Variants in YBX1 observed in about 807,000 individuals in gnomAD.
The protein encoded by YBX1 is Y-box binding protein 1.
YBX1 carries 3 observed loss-of-function variants against 41.4 expected under a neutral mutation model. The ratio of observed to expected loss-of-function variants is 0.07; its 90% CI spans 0.03 to 0.19. YBX1 has a LOEUF of 0.19. YBX1 is among the 10% of genes least tolerant of loss of function. The pLI is 1.00. For synonymous variants in YBX1, 133 were observed against 165.8 expected, an observed-to-expected ratio of 0.80 and a Z score of 1.52; for missense variants, 274 against 462.8, an observed-to-expected ratio of 0.59 and a Z score of 3.74.
In YBX1 at chr1:42,703,444, CTT is replaced by C. The variant is rs1650658315; in HGVS notation, c.*1497_*1498del. 1.3e-5 allele frequency among the ~76,000 whole-genome samples: 2 copies of C among 151,942 alleles called. No individual in the cohort carries two copies. Among genetic ancestry groups the C allele is most frequent in the East Asian group, 1.9e-4 (1 of 5,160 alleles). On this transcript the variant is annotated 3_prime_UTR_variant, in exon 8 of 8. Coordinates refer to ENST00000321358, the MANE Select transcript of YBX1 (RefSeq NM_004559.5). ...AGTCATCTCCTGCTTGGGACTAACT[CTT>C]TGCAGAGGACTTGATAAGAGACTAC...
chr1:42,682,535 G>A lies in YBX1; in HGVS notation c.-31G>A. The A allele has an allele frequency of 2.1e-6, 3 of 1,441,316 alleles. No individual in the cohort carries two copies. The highest frequency in any genetic ancestry group is 1.3e-5 in the South Asian group (1 of 74,334). The allele number at this position is 1,441,316 out of a possible 1,614,324, so 89.3% of individuals were successfully genotyped here. ...CACCCCGGGAGGAGCCGCAGCTGCC[G>A]CAGCCGGCCCCAGTCACCATCACCG... On this transcript the variant is annotated 5_prime_UTR_variant, in exon 1 of 8. Coordinates refer to ENST00000321358, the MANE Select transcript of YBX1 (RefSeq NM_004559.5).
chr1:42,689,634 G>A (rs1650281581), intron 2 of YBX1, among the ~76,000 whole-genome samples: 1 of 152,188 alleles, frequency 6.6e-6, no homozygotes, highest in Non-Finnish European at 1.5e-5. Context: ...TGGTGAACAT[G>A]CTGGAGTAGA....
At position 42,682,570 on chromosome 1, in the gene YBX1, G is replaced by A. The variant is rs1191371991; in HGVS notation, c.5G>A (p.Ser2Asn). 1 of 1,462,182 alleles carries A rather than the reference G, an allele frequency of 6.8e-7. No individual in the cohort carries two copies. Among genetic ancestry groups the A allele is most frequent in the East Asian group, 3.0e-5 (1 of 33,208 alleles). 90.6% of individuals were successfully genotyped at this position (1,462,182 alleles called of 1,614,324 possible). A position where few individuals can be genotyped will look rare whatever the true frequency, so the allele number is the denominator to read the frequency against. Residue 2 changes from serine to asparagine, a missense_variant, in exon 1 of 8, where the codon AGC becomes AAC. By Grantham distance (46) the Ser-to-Asn change is conservative (BLOSUM62 1). Transcript: ENST00000321358. M[S>N]SEAETQQPPA... ...CCAGTCACCATCACCGCAACCATGA[G>A]CAGCGAGGCCGAGACCCAGCAGCCG... is the stretch of plus-strand genomic sequence containing the variant.
At chr1:42,689,195 A>G (rs1414914027) in intron 2 of YBX1, among the ~76,000 whole-genome samples, 3 of 152,234 alleles carry the variant, frequency 2.0e-5, no homozygotes, top group Non-Finnish European at 2.9e-5. Context: ...AGGCAGAATC[A>G]TAGACAATAT....
At chr1:42,685,352 T>C (rs1359009065) in intron 2 of YBX1, among the ~76,000 whole-genome samples, 1 of 152,252 alleles carries the variant, frequency 6.6e-6, no homozygotes, top group Non-Finnish European at 1.5e-5. Flanking sequence ...GTTTGGACTA[T>C]CCTAACCTCA....
intron 6 of YBX1, among the ~76,000 whole-genome samples, chr1:42,698,912 C>A (rs1285816251): frequency 2.0e-5 from 3 of 152,078 alleles, no homozygotes; most frequent in Non-Finnish European, 2.9e-5. Context: ...AACATGCTGC[C>A]CCTAATGCAT....
intron 2 of YBX1, among the ~76,000 whole-genome samples, chr1:42,687,484 G>A (rs1005035545): frequency 1.4e-4 from 22 of 152,264 alleles, no homozygotes; most frequent in Non-Finnish European, 2.5e-4. Flanking sequence ...GTTTCTCCAT[G>A]TTGGCCAGGC....
Position 42,700,407 on chromosome 1 carries a change from C to T in YBX1, c.741-374C>T, listed in dbSNP as rs948250709. Among the ~76,000 whole-genome samples the T allele has an allele frequency of 8.5e-5, 13 of 152,120 alleles. No individual in the cohort carries two copies. The East Asian group carries it at 1.7e-3, about 20-fold the overall frequency. On this transcript the variant is annotated intron_variant, in intron 6 of 7. Coordinates refer to ENST00000321358, the MANE Select transcript of YBX1 (RefSeq NM_004559.5). The stretch of plus-strand genomic sequence containing the variant: ...TAGCTTGAGGTCAGGAATTCAAGAC[C>T]AGCCTTGGAAACATAGCAACACATC...
chr1:42,697,671 C>T (rs556840346), intron 6 of YBX1, among the ~76,000 whole-genome samples: 1 of 151,754 alleles, frequency 6.6e-6, no homozygotes, highest in African/African-American at 2.4e-5. Context: ...AGATATGTAC[C>T]CCCTTTTTTT....
At chr1:42,689,668 G>A (rs1227570400) in intron 2 of YBX1, among the ~76,000 whole-genome samples, 2 of 152,166 alleles carry the variant, frequency 1.3e-5, no homozygotes, top group Non-Finnish European at 2.9e-5. Flanking sequence ...GATGGATTGG[G>A]CCATGAAAAG....
chr1:42,696,121 A>G lies in YBX1; in HGVS notation c.265-78A>G. 1.6e-6 allele frequency: 2 copies of G among 1,261,174 alleles called. No individual in the cohort carries two copies. The highest frequency in any genetic ancestry group is 2.2e-6 in the Non-Finnish European group (2 of 903,582). 78.1% of individuals were successfully genotyped at this position (1,261,174 alleles called of 1,614,324 possible). ...AAGTGTATATCCAAGCTAAAATAAT[A>G]TTGACTCTGGTACATTTTAAATGAA... is the stretch of plus-strand genomic sequence containing the variant. On this transcript the variant is annotated intron_variant, in intron 3 of 7. Coordinates refer to ENST00000321358, the MANE Select transcript of YBX1 (RefSeq NM_004559.5). This position sits in a 1 kb window ranked among gnomAD's most constrained non-coding sequence, Gnocchi z 5.7.
intron 2 of YBX1, among the ~76,000 whole-genome samples, chr1:42,689,025 T>C (rs1189648394): frequency 6.6e-6 from 1 of 152,228 alleles, no homozygotes; most frequent in Non-Finnish European, 1.5e-5. Context: ...AGATTTCAAC[T>C]GTGCAGCAGG....
intron 2 of YBX1, among the ~76,000 whole-genome samples, chr1:42,683,982 C>G (rs1650128081): frequency 6.6e-6 from 1 of 152,118 alleles, no homozygotes; most frequent in Non-Finnish European, 1.5e-5. Flanking sequence ...TAAATTTTGT[C>G]TTAGCACAGC....
In YBX1 at chr1:42,682,715, G is replaced by C; in HGVS notation, c.150G>C (p.Gly50=). Reference sequence around the variant, plus strand: ...TCACATCGGCGGCGCCTGCCGGCGGGGACAAGAAGGTCATCGGTGAGGACC... The same window carrying C: ...TCACATCGGCGGCGCCTGCCGGCGGCGACAAGAAGGTCATCGGTGAGGACC... ...GGLTSAAPAG[G]DKKVIATKVL... is the part of the protein sequence containing the mutation. The change falls in exon 1 of 8, where the codon GGG becomes GGC. Residue 50 remains glycine, a synonymous_variant. Transcript: ENST00000321358. The C allele has an allele frequency of 8.0e-7, 1 of 1,247,988 alleles. No homozygotes were observed. The highest frequency in any genetic ancestry group is 1.0e-6 in the Non-Finnish European group (1 of 1,001,666). 77.3% of individuals were successfully genotyped at this position (1,247,988 alleles called of 1,614,324 possible).
intron 2 of YBX1, among the ~76,000 whole-genome samples, chr1:42,691,501 G>A (rs772695326): frequency 2.0e-5 from 3 of 152,150 alleles, no homozygotes; most frequent in South Asian, 2.1e-4. Context: ...ATAGGGTCTC[G>A]CCACGTAACT....
At chr1:42,695,841 TCTC>T (rs1650444882) in intron 3 of YBX1, among the ~76,000 whole-genome samples, 1 of 152,366 alleles carries the variant, frequency 6.6e-6, no homozygotes, top group Non-Finnish European at 1.5e-5. Flanking sequence ...GGGGCCACCT[TCTC>T]CTATTAAGTG....
rs1650479682 is a variant in YBX1 at position 42,697,096 on chromosome 1, G to C, written c.658-84G>C. 2.6e-6 allele frequency: 4 copies of C among 1,522,160 alleles called. No individual in the cohort carries two copies. The African/African-American group carries it at 5.6e-5, about 21-fold the overall frequency. 94.3% of individuals were successfully genotyped at this position (1,522,160 alleles called of 1,614,324 possible). ...AATTACTAGATGGTCTGTTTTGTTT[G>C]TTTTTTAACTCTTGGATTTATCTGG... On this transcript the variant is annotated intron_variant, in intron 5 of 7. Transcript: ENST00000321358.
At chr1:42,694,367 C>T (rs1650409657) in intron 3 of YBX1, among the ~76,000 whole-genome samples, 1 of 151,824 alleles carries the variant, frequency 6.6e-6, no homozygotes, top group South Asian at 2.1e-4. Context: ...TACTTATCCT[C>T]ACAGATACGA....
chr1:42,700,965 C>G lies in YBX1; in HGVS notation c.925C>G (p.Pro309Ala), dbSNP rs764145015. 8 of 1,614,170 alleles carry G rather than the reference C, an allele frequency of 5.0e-6. No homozygotes were observed. Among genetic ancestry groups the G allele is most frequent in the Non-Finnish European group, 6.8e-6 (8 of 1,180,038 alleles). The change falls in exon 7 of 8, where the codon CCA becomes GCA. Residue 309 changes from proline to alanine, a missense_variant. Pro to Ala is a conservative substitution (Grantham distance 27). This residue lies in a region of YBX1 where 187 missense variants were observed against 306.3 expected (regional missense o/e 0.61). Coordinates refer to ENST00000321358, the MANE Select transcript of YBX1 (RefSeq NM_004559.5). The part of the protein sequence containing the change: ...DGKETKAADP[P>A]AENSSAPEAE... ...CAAAGAGACAAAAGCAGCCGATCCACCAGCTGAGAATTCGTCCGCTCCCGA... is the reference window on the plus strand; with the variant it reads ...CAAAGAGACAAAAGCAGCCGATCCAGCAGCTGAGAATTCGTCCGCTCCCGA...
Sources: gnomAD v4.1 joint callset for allele counts (sites outside exome capture counted in the v4.1 genomes callset) on GRCh38, gnomAD v4.1.1 for gene constraint, gnomAD v4.1.1 regional missense constraint, Gnocchi (gnomAD v3.1) non-coding constraint, MANE v1.5 for transcripts, NCBI Gene and HGNC (gene_info 2026-07-23, HGNC 2026-07-21) for gene names.